UNC13B: variants seen among roughly 807,000 people sequenced by gnomAD.
UNC13B encodes the protein protein unc-13 homolog B.
UNC13B carries 144 observed loss-of-function variants against 211.0 expected under a neutral mutation model. The ratio of observed to expected loss-of-function variants is 0.68; its 90% CI spans 0.60 to 0.78. UNC13B has a LOEUF of 0.78. Among genes scored for constraint, UNC13B ranks in the 30% least tolerant of loss-of-function variants. The pLI is 0.00. For synonymous variants in UNC13B, 709 were observed against 725.8 expected (o/e 0.98, Z 0.37); for missense variants, 1,777 against 2,002.0 (o/e 0.89, Z 2.14).
chr9:35,307,158 C>G lies in UNC13B; in HGVS notation c.7754C>G (p.Pro2585Arg), dbSNP rs1006261061. 1 of 398,924 alleles carries G rather than the reference C, an allele frequency of 2.5e-6. No homozygotes were observed. Among genetic ancestry groups the G allele is most frequent in the Non-Finnish European group, 4.4e-6 (1 of 226,044 alleles). 24.7% of individuals were successfully genotyped at this position (398,924 alleles called of 1,614,324 possible). ...GAATCAGATATCTTGACAGATGATC[C>G]TAAACTAACAACCAAAATGGAAGAC... is the stretch of plus-strand genomic sequence containing the variant. ...KPESDILTDD[P>R]KLTTKMEDNN... Residue 2585 changes from proline (P) to arginine (R), a missense_variant, in exon 9 of 40, where the codon CCT (proline) becomes CGT (arginine). Transcript: ENST00000635942.
At chr9:35,337,248 G>A (rs1831717887) in intron 11 of UNC13B, among the ~76,000 whole-genome samples, 1 of 152,156 alleles carries the variant, frequency 6.6e-6, no homozygotes, top group African/African-American at 2.4e-5. Flanking sequence ...AGTCTAGGGA[G>A]AATGAATATT....
Position 35,405,237 on chromosome 9 carries a change from A to C in UNC13B, c.*1204A>C, listed in dbSNP as rs1365514142. On this transcript the variant is annotated 3_prime_UTR_variant, in exon 40 of 40. Transcript: ENST00000635942. ...TGTCCACAGATGTACTGGCCATTACATGAAACAAGAAACCAAGCATCTTTG... is the reference window on the plus strand; with the variant it reads ...TGTCCACAGATGTACTGGCCATTACCTGAAACAAGAAACCAAGCATCTTTG... 6.5e-6 allele frequency: 1 copy of C among 152,688 alleles called. No individual in the cohort carries two copies. Among genetic ancestry groups the C allele is most frequent in the Non-Finnish European group, 1.5e-5 (1 of 68,056 alleles). 9.5% of individuals were successfully genotyped at this position (152,688 alleles called of 1,614,324 possible). A position where few individuals can be genotyped will look rare whatever the true frequency, so the allele number is the denominator to read the frequency against.
At chr9:35,366,926 G>C (rs1833809067) in intron 11 of UNC13B, 21 bp from the exon 12 acceptor site, 1 of 1,610,952 alleles carries the variant, frequency 6.2e-7, no homozygotes, top group African/African-American at 1.3e-5. Flanking sequence ...GATCTAACTT[G>C]TTTCCTATCT....
chr9:35,270,919 T>C (rs933886401), intron 7 of UNC13B, among the ~76,000 whole-genome samples: 9 of 152,068 alleles, frequency 5.9e-5, no homozygotes, highest in Non-Finnish European at 1.3e-4. Context: ...GGCAGGTGGA[T>C]CACGAGGTCA....
In UNC13B at chr9:35,306,279, A is replaced by T; in HGVS notation, c.6875A>T (p.Glu2292Val). The change falls in exon 9 of 40, where the codon GAG becomes GTG. Residue 2292 changes from glutamate (E) to valine (V), a missense_variant. Physicochemically the swap from Glu to Val is moderately radical, Grantham distance 121. Coordinates refer to ENST00000635942, the MANE Select transcript of UNC13B (RefSeq NM_001371189.2). ...TGTATTTCCATTAACAACACCATTG[A>T]GGTTACCTCCCTTGCAGATGAGCTC... ...APCISINNTI[E>V]VTSLADELSV... 2.5e-6 allele frequency: 1 copy of T among 399,082 alleles called. No individual in the cohort carries two copies. The highest frequency in any genetic ancestry group is 4.4e-6 in the Non-Finnish European group (1 of 226,068). 24.7% of individuals were successfully genotyped at this position (399,082 alleles called of 1,614,324 possible).
At chr9:35,368,458 A>G (rs1239758144) in intron 12 of UNC13B, among the ~76,000 whole-genome samples, 3 of 152,218 alleles carry the variant, frequency 2.0e-5, no homozygotes, top group Non-Finnish European at 4.4e-5. Flanking sequence ...CCAGTGTGCC[A>G]CTGATGGGCA....
chr9:35,213,691 G>A (rs1406012658), intron 1 of UNC13B, among the ~76,000 whole-genome samples: 1 of 152,090 alleles, frequency 6.6e-6, no homozygotes, highest in Non-Finnish European at 1.5e-5. Flanking sequence ...AATATTCACA[G>A]GAAGATGAAA....
chr9:35,249,034 T>G (rs1826286303), intron 6 of UNC13B, among the ~76,000 whole-genome samples: 1 of 152,244 alleles, frequency 6.6e-6, no homozygotes, highest in African/African-American at 2.4e-5. Context: ...TGAATCTGGG[T>G]GCTCCTGTAT....
chr9:35,316,591 T>A (rs189571103), intron 11 of UNC13B, among the ~76,000 whole-genome samples: 1 of 152,196 alleles, frequency 6.6e-6, no homozygotes, highest in Non-Finnish European at 1.5e-5. Context: ...AAAGAGACTA[T>A]TAACATATTA....
chr9:35,176,413 T>A (rs1490747156), intron 1 of UNC13B, among the ~76,000 whole-genome samples: 1 of 152,038 alleles, frequency 6.6e-6, no homozygotes, highest in Non-Finnish European at 1.5e-5. Context: ...CTGGGCGTGG[T>A]GGCAGGCGCC....
chr9:35,218,674 G>A (rs1173905879), intron 1 of UNC13B, among the ~76,000 whole-genome samples: 4 of 151,920 alleles, frequency 2.6e-5, no homozygotes, highest in East Asian at 1.9e-4. Context: ...TGGGATTATA[G>A]CCGTGAGCCA....
intron 1 of UNC13B, among the ~76,000 whole-genome samples, chr9:35,210,236 G>C (rs920061921): frequency 2.6e-5 from 4 of 152,100 alleles, no homozygotes; most frequent in Non-Finnish European, 1.5e-5. Context: ...CACTCAATTT[G>C]TATATAGCTT....
intron 9 of UNC13B, among the ~76,000 whole-genome samples, chr9:35,308,973 A>G (rs58682786): frequency 0.026 from 3,908 of 152,252 alleles, 171 homozygotes; most frequent in African/African-American, 0.087. Flanking sequence ...ACAGATTTGC[A>G]TAGTTTCTTC....
intron 11 of UNC13B, among the ~76,000 whole-genome samples, chr9:35,321,188 T>C (rs1830719599): frequency 6.6e-6 from 1 of 152,178 alleles, no homozygotes; most frequent in Non-Finnish European, 1.5e-5. Context: ...TATTCTCTTA[T>C]ATAGGTATTT....
chr9:35,257,529 C>T (rs1017657459), intron 6 of UNC13B, among the ~76,000 whole-genome samples: 9 of 120,840 alleles, frequency 7.4e-5, no homozygotes, highest in East Asian at 2.4e-4. Context: ...TGCAGTGAGC[C>T]GAAATAGCTC....
chr9:35,381,084 C>G lies in UNC13B; in HGVS notation c.10376-16C>G. 1 of 1,609,642 alleles carries G rather than the reference C, an allele frequency of 6.2e-7. No individual in the cohort carries two copies. Among genetic ancestry groups the G allele is most frequent in the South Asian group, 1.1e-5 (1 of 90,574 alleles). On this transcript the variant is annotated splice_polypyrimidine_tract_variant and intron_variant, in intron 18 of 39. Transcript: ENST00000635942. ...AGTTGCATTGGTGTCAATCTCCAGT[C>G]TTCTTTCCTTCCTAGAGAAGAGGAC...
intron 11 of UNC13B, among the ~76,000 whole-genome samples, chr9:35,348,853 C>T (rs1262544804): frequency 6.6e-6 from 1 of 152,182 alleles, no homozygotes; most frequent in Non-Finnish European, 1.5e-5. Flanking sequence ...AGTCCAGTAG[C>T]ACTTGCTCAT....
At chr9:35,245,813 G>A (rs558981049) in intron 6 of UNC13B, among the ~76,000 whole-genome samples, 2 of 152,042 alleles carry the variant, frequency 1.3e-5, no homozygotes, top group Non-Finnish European at 2.9e-5. Flanking sequence ...ATAAACATAC[G>A]CATGCATGTG....
chr9:35,310,374 T>G (rs1830123598), intron 9 of UNC13B, 93 bp from the exon 10 acceptor site: 1 of 1,331,512 alleles, frequency 7.5e-7, no homozygotes, highest in Admixed American at 2.0e-5. Flanking sequence ...TTCTTGCTAC[T>G]AATGTAGTCA....
Sources: allele counts gnomAD v4.1 joint callset (sites outside exome capture counted in the v4.1 genomes callset), GRCh38; gene constraint gnomAD v4.1.1; transcripts MANE v1.5; gene names NCBI Gene and HGNC (gene_info 2026-07-23, HGNC 2026-07-21).